Variants in GRXCR1 observed in about 807,000 individuals in gnomAD.
GRXCR1 encodes the protein glutaredoxin and cysteine rich domain containing 1, also known as glutaredoxin domain-containing cysteine-rich protein 1.
In GRXCR1, 27 loss-of-function variants were observed where a neutral mutation model predicts 27.3. The ratio of observed to expected loss-of-function variants is 0.99; its 90% CI spans 0.73 to 1.37. GRXCR1 has a LOEUF of 1.37. Ranked by LOEUF, GRXCR1 falls within the 40% of genes most tolerant of loss-of-function variation. The pLI, the probability that GRXCR1 is intolerant of heterozygous loss-of-function variation, is 0.00. For missense variants in GRXCR1, 379 were observed against 354.4 expected, an observed-to-expected ratio of 1.07 and a Z score of -0.56; for synonymous variants, 122 against 131.1, an observed-to-expected ratio of 0.93 and a Z score of 0.47.
chr4:42,988,583 AT>A (rs1711855323), intron 2 of GRXCR1, among the ~76,000 whole-genome samples: 1 of 152,240 alleles, frequency 6.6e-6, no homozygotes, highest in Non-Finnish European at 1.5e-5. Context: ...AGTTATAAGT[AT>A]ATTTTTCCTT....
intron 1 of GRXCR1, among the ~76,000 whole-genome samples, chr4:42,955,866 T>A (rs1747991465): frequency 6.6e-6 from 1 of 152,034 alleles, no homozygotes; most frequent in Non-Finnish European, 1.5e-5. Context: ...AAGACATAGC[T>A]TGAAATAACC....
intron 1 of GRXCR1, among the ~76,000 whole-genome samples, chr4:42,914,296 A>T (rs1335986578): frequency 5.3e-5 from 8 of 152,236 alleles, no homozygotes. Context: ...GCAAAGCCAC[A>T]GGGGTGGAGC....
chr4:42,965,577 G>C (rs1243986871), intron 2 of GRXCR1, among the ~76,000 whole-genome samples: 1 of 152,070 alleles, frequency 6.6e-6, no homozygotes, highest in East Asian at 1.9e-4. Context: ...GTAATTTTAA[G>C]GGAGGAAAAG....
chr4:42,976,746 A>G (rs1474875293), intron 2 of GRXCR1, among the ~76,000 whole-genome samples: 2 of 152,032 alleles, frequency 1.3e-5, no homozygotes, highest in Admixed American at 6.6e-5. Flanking sequence ...TTTGAAGTAT[A>G]TATACACCGT....
intron 1 of GRXCR1, among the ~76,000 whole-genome samples, chr4:42,907,953 A>T (rs1296791742): frequency 6.6e-6 from 1 of 152,146 alleles, no homozygotes; most frequent in African/African-American, 2.4e-5. Context: ...TGGATCCATG[A>T]ATTCTAGCCA....
rs530709280 is a variant in GRXCR1, at chr4:42,949,052, T to A, written c.385-13840T>A. On this transcript the variant is annotated intron_variant, in intron 1 of 3. Coordinates refer to ENST00000399770, the MANE Select transcript of GRXCR1 (RefSeq NM_001080476.3). Reference sequence around the variant, plus strand: ...GGAAACCAATACACTATTTTTAATCTCTATGTATTTAAGAAACTCTGGGCC... The same window carrying A: ...GGAAACCAATACACTATTTTTAATCACTATGTATTTAAGAAACTCTGGGCC... 1.5e-4 allele frequency among the ~76,000 whole-genome samples: 23 copies of A among 152,248 alleles called. 1 individual carries two copies. The highest frequency in any genetic ancestry group is 5.3e-4 in the African/African-American group (22 of 41,556).
chr4:42,987,829 G>A (rs892116154), intron 2 of GRXCR1, among the ~76,000 whole-genome samples: 8 of 152,090 alleles, frequency 5.3e-5, no homozygotes, highest in Non-Finnish European at 7.4e-5. Context: ...TCTACAAAAC[G>A]TCAGAGACTA....
chr4:42,900,051 A>G (rs1746427870), intron 1 of GRXCR1, among the ~76,000 whole-genome samples: 1 of 152,180 alleles, frequency 6.6e-6, no homozygotes, highest in South Asian at 2.1e-4. Context: ...GAGCAAGGCA[A>G]ACGTTCTTTT....
chr4:43,027,416 G>A (rs1301061947), intron 3 of GRXCR1, among the ~76,000 whole-genome samples: 2 of 152,196 alleles, frequency 1.3e-5, no homozygotes, highest in Non-Finnish European at 2.9e-5. Context: ...GATAAATTAT[G>A]AAGAAACAGT....
intron 2 of GRXCR1, among the ~76,000 whole-genome samples, chr4:42,980,196 T>C (rs749659659): frequency 3.2e-4 from 48 of 152,018 alleles, no homozygotes; most frequent in Non-Finnish European, 5.9e-4. Context: ...GAGTTTAGTT[T>C]GTTCTTGTAC....
At chr4:43,016,112 T>G (rs1712923632) in intron 2 of GRXCR1, among the ~76,000 whole-genome samples, 2 of 152,234 alleles carry the variant, frequency 1.3e-5, no homozygotes, top group Admixed American at 6.5e-5. Context: ...TACAAGCTGA[T>G]TTATATCACT....
intron 1 of GRXCR1, among the ~76,000 whole-genome samples, chr4:42,934,057 T>C (rs938638225): frequency 2.6e-5 from 4 of 151,830 alleles, no homozygotes; most frequent in Non-Finnish European, 5.9e-5. Flanking sequence ...TAGTACTATT[T>C]TAAATATCCA....
chr4:42,969,717 G>C (rs9991114), intron 2 of GRXCR1, among the ~76,000 whole-genome samples: 1,925 of 152,156 alleles, frequency 0.013, 48 homozygotes, highest in African/African-American at 0.044. Flanking sequence ...ATTACAATTT[G>C]AGATGAGATT....
intron 1 of GRXCR1, among the ~76,000 whole-genome samples, chr4:42,906,290 T>A (rs1746589688): frequency 6.6e-6 from 1 of 152,198 alleles, no homozygotes; most frequent in Non-Finnish European, 1.5e-5. Context: ...TGCTGTCCAA[T>A]TTTAAAAAGA....
chr4:42,897,009 G>T (rs1189512679), intron 1 of GRXCR1, among the ~76,000 whole-genome samples: 1 of 152,016 alleles, frequency 6.6e-6, no homozygotes, highest in Non-Finnish European at 1.5e-5. Flanking sequence ...AAGAAATTCT[G>T]CTCTTAGAAT....
At chr4:42,999,887 T>C (rs1184780544) in intron 2 of GRXCR1, among the ~76,000 whole-genome samples, 1 of 152,238 alleles carries the variant, frequency 6.6e-6, no homozygotes, top group Admixed American at 6.5e-5. Flanking sequence ...TGCTATCAGA[T>C]GGTTGCTGGA....
intron 1 of GRXCR1, among the ~76,000 whole-genome samples, chr4:42,906,445 CA>C (rs1746592958): frequency 6.6e-6 from 1 of 152,166 alleles, no homozygotes; most frequent in Admixed American, 6.5e-5. Flanking sequence ...TACAGAGCCA[CA>C]GCAGTCATTC....
At chr4:42,947,291 G>C (rs1277014620) in intron 1 of GRXCR1, among the ~76,000 whole-genome samples, 2 of 151,962 alleles carry the variant, frequency 1.3e-5, no homozygotes, top group Non-Finnish European at 2.9e-5. Context: ...GGACACAGAG[G>C]AGTGACCAGA....
At chr4:42,933,904 G>T (rs1747391851) in intron 1 of GRXCR1, among the ~76,000 whole-genome samples, 2 of 151,860 alleles carry the variant, frequency 1.3e-5, no homozygotes, top group African/African-American at 2.4e-5. Flanking sequence ...ATGTTCTGAA[G>T]ATGGACGAGA....
Sources: allele counts gnomAD v4.1 joint callset (sites outside exome capture counted in the v4.1 genomes callset), GRCh38; gene constraint gnomAD v4.1.1; transcripts MANE v1.5; gene names NCBI Gene and HGNC (gene_info 2026-07-23, HGNC 2026-07-21).